Variants in SYK observed in about 807,000 individuals in gnomAD.
SYK encodes spleen associated tyrosine kinase, also known as tyrosine-protein kinase SYK.
In SYK, 16 loss-of-function variants were observed where a neutral mutation model predicts 77.8. That is an observed-to-expected ratio of 0.21 (90% CI 0.14 to 0.31). SYK has a LOEUF of 0.31. SYK is among the 10% of genes least tolerant of loss of function. SYK has a pLI of 1.00. For synonymous variants in SYK, 312 were observed against 308.7 expected (o/e 1.01, Z -0.11); for missense variants, 529 against 814.4 (o/e 0.65, Z 4.26).
At chr9:90,828,581 C>G (rs1825764704) in intron 1 of SYK, among the ~76,000 whole-genome samples, 1 of 152,180 alleles carries the variant, frequency 6.6e-6, no homozygotes, top group Non-Finnish European at 1.5e-5. Context: ...CTGTCCTCTT[C>G]TGCTCAAAAG....
intron 11 of SYK, among the ~76,000 whole-genome samples, chr9:90,880,882 C>T (rs148661151): frequency 5.0e-4 from 76 of 152,348 alleles, no homozygotes; most frequent in African/African-American, 1.6e-3. Context: ...GAGACCTCTG[C>T]GGGGCTGTCA....
At chr9:90,883,248 A>T (rs891582230) in intron 11 of SYK, among the ~76,000 whole-genome samples, 5 of 152,008 alleles carry the variant, frequency 3.3e-5, no homozygotes, top group Non-Finnish European at 7.4e-5. Flanking sequence ...CACACCCCCT[A>T]TAGCTGCCTG....
chr9:90,821,205 C>T (rs920209564), intron 1 of SYK, among the ~76,000 whole-genome samples: 1 of 152,284 alleles, frequency 6.6e-6, no homozygotes, highest in Admixed American at 6.5e-5. Context: ...TCTTCTGAAC[C>T]CTCCAAACTG....
intron 1 of SYK, among the ~76,000 whole-genome samples, chr9:90,836,295 A>G (rs1321260606): frequency 6.6e-6 from 1 of 152,130 alleles, no homozygotes; most frequent in Non-Finnish European, 1.5e-5. Context: ...TCAAAAAAAA[A>G]AAAAAAAAGT....
At chr9:90,834,200 G>A (rs1825991079) in intron 1 of SYK, among the ~76,000 whole-genome samples, 1 of 152,036 alleles carries the variant, frequency 6.6e-6, no homozygotes, top group African/African-American at 2.4e-5. Context: ...ACACACATGT[G>A]TGCACACACA....
intron 3 of SYK, among the ~76,000 whole-genome samples, chr9:90,855,016 A>ACAC (rs1377274750): frequency 1.3e-5 from 2 of 149,482 alleles, no homozygotes; most frequent in Admixed American, 6.7e-5. Flanking sequence ...ATACATACAC[A>ACAC]CACACACACA....
At chr9:90,839,789 A>C (rs1322318335) in intron 1 of SYK, among the ~76,000 whole-genome samples, 8 of 152,254 alleles carry the variant, frequency 5.3e-5, no homozygotes, top group Middle Eastern at 6.8e-3. Context: ...CCAGGTACAC[A>C]GTGACAGGGG....
At chr9:90,865,147 CA>C in intron 6 of SYK, 50 bp downstream of exon 6, 1 of 1,568,000 alleles carries the variant, frequency 6.4e-7, no homozygotes, top group South Asian at 1.1e-5. Flanking sequence ...GCATATTTCA[CA>C]AATGAAAAGC....
chr9:90,893,584 T>C lies in SYK; in HGVS notation c.1836-1944T>C, dbSNP rs1271485873. ...GGGGTTTATTATGAGTAACAAAAGA[T>C]GCTGCTTTCAGCCCAACAATCAGGA... On this transcript the variant is annotated intron_variant, in intron 13 of 13. Coordinates refer to ENST00000375754, the MANE Select transcript of SYK (RefSeq NM_003177.7). Among the ~76,000 whole-genome samples, 5 of 152,296 alleles carry C rather than the reference T, an allele frequency of 3.3e-5. No individual in the cohort carries two copies. The East Asian group carries it at 9.6e-4, about 29-fold the overall frequency.
chr9:90,874,935 G>T, intron 9 of SYK, 86 bp downstream of exon 9: 1 of 1,449,798 alleles, frequency 6.9e-7, no homozygotes, highest in Non-Finnish European at 9.4e-7. Context: ...AACCTGGCAT[G>T]ACTAAACCCT....
intron 3 of SYK, among the ~76,000 whole-genome samples, chr9:90,860,681 C>A (rs1253288613): frequency 6.6e-6 from 1 of 152,272 alleles, no homozygotes; most frequent in Middle Eastern, 3.4e-3. Flanking sequence ...TGGCCAAGCA[C>A]CGCTAGAAAA....
chr9:90,836,905 CAG>C (rs1032612287), intron 1 of SYK, among the ~76,000 whole-genome samples: 34 of 152,272 alleles, frequency 2.2e-4, no homozygotes, highest in African/African-American at 7.5e-4. Context: ...ATCTTGTAAA[CAG>C]ATGACAGTAA....
chr9:90,808,461 GTTT>G (rs10573213), intron 1 of SYK, among the ~76,000 whole-genome samples: 1 of 142,910 alleles, frequency 7.0e-6, no homozygotes, highest in East Asian at 2.0e-4. Flanking sequence ...GTGTGTGTTG[GTTT>G]TTTTTTTTTT....
intron 1 of SYK, among the ~76,000 whole-genome samples, chr9:90,833,627 T>C (rs1027384709): frequency 4.6e-5 from 7 of 152,250 alleles, no homozygotes; most frequent in Non-Finnish European, 1.0e-4. Flanking sequence ...ACATCATTTC[T>C]TAATTAGCTG....
rs1369501651 is a variant in SYK at position 90,862,230 on chromosome 9, C to T, written c.603C>T (p.Gly201=). The T allele has an allele frequency of 1.2e-6, 2 of 1,613,404 alleles. No individual in the cohort carries two copies. The highest frequency in any genetic ancestry group is 1.7e-6 in the Non-Finnish European group (2 of 1,179,532). The change falls in exon 4 of 14, where the codon GGC becomes GGT. Residue 201 remains glycine, a synonymous_variant. Transcript: ENST00000375754. ...GGATCCGAGCCAGAGACAACAACGG[C>T]TCCTACGCCCTGTGCCTGCTGCACG... ...KFLIRARDNN[G]SYALCLLHEG... is the part of the protein sequence containing the mutation.
At chr9:90,883,070 T>A (rs1472771293) in intron 11 of SYK, among the ~76,000 whole-genome samples, 5 of 152,090 alleles carry the variant, frequency 3.3e-5, no homozygotes, top group African/African-American at 7.2e-5. Context: ...TGCAGCTTGG[T>A]GCCATACTGA....
intron 13 of SYK, among the ~76,000 whole-genome samples, chr9:90,894,837 T>C (rs953631356): frequency 6.6e-6 from 1 of 152,256 alleles, no homozygotes; most frequent in African/African-American, 2.4e-5. Context: ...GTTTAGAGAC[T>C]GCGAACTGTT....
Position 90,895,691 on chromosome 9 carries a change from C to G in SYK, c.*91C>G. 2.4e-6 allele frequency: 3 copies of G among 1,259,700 alleles called. No homozygotes were observed. Among genetic ancestry groups the G allele is most frequent in the Non-Finnish European group, 3.4e-6 (3 of 871,126 alleles). 78.0% of individuals were successfully genotyped at this position (1,259,700 alleles called of 1,614,324 possible). A position where few individuals can be genotyped will look rare whatever the true frequency, so the allele number is the denominator to read the frequency against. On this transcript the variant is annotated 3_prime_UTR_variant, in exon 14 of 14. Coordinates refer to ENST00000375754, the MANE Select transcript of SYK (RefSeq NM_003177.7). The surrounding 1 kb of genome is among the most constrained non-coding windows in gnomAD (Gnocchi z 4.4). Reference sequence around the variant, plus strand: ...GGAATTGATTGTCAGCCACCTCCCTCTGCCAGTCGGGAGAGCCAGGCTTGG... The same window carrying G: ...GGAATTGATTGTCAGCCACCTCCCTGTGCCAGTCGGGAGAGCCAGGCTTGG...
rs1400916982 is a variant in SYK, at chr9:90,839,764, A to G, written c.-41-4094A>G. ...AAGTAACCTGGGCCCTGCAGAGGGGACACAAGCATCGGGGCCAGGTACACA... is the reference window on the plus strand; with the variant it reads ...AAGTAACCTGGGCCCTGCAGAGGGGGCACAAGCATCGGGGCCAGGTACACA... On this transcript the variant is annotated intron_variant, in intron 1 of 13. Transcript: ENST00000375754. 2.0e-5 allele frequency among the ~76,000 whole-genome samples: 3 copies of G among 152,296 alleles called. No homozygotes were observed. The East Asian group carries it at 5.8e-4, about 29-fold the overall frequency.
Sources: gnomAD v4.1 joint callset for allele counts (sites outside exome capture counted in the v4.1 genomes callset) on GRCh38, gnomAD v4.1.1 for gene constraint, Gnocchi (gnomAD v3.1) non-coding constraint, MANE v1.5 for transcripts, NCBI Gene and HGNC (gene_info 2026-07-23, HGNC 2026-07-21) for gene names.